Variants in LINGO1 observed in about 807,000 individuals in gnomAD.
LINGO1 encodes leucine-rich repeat and immunoglobulin-like domain-containing nogo receptor-interacting protein 1.
A neutral mutation model predicts 37.3 loss-of-function variants in LINGO1; 11 were observed. The observed-to-expected ratio is 0.29, with a 90% CI of 0.19 to 0.49. LINGO1 has a LOEUF of 0.49. Ranked by LOEUF, LINGO1 falls within the 20% of genes least tolerant of loss-of-function variation. The pLI is 0.99. For missense variants in LINGO1, 585 were observed against 878.2 expected (o/e 0.67, Z 4.22); for synonymous variants, 387 against 403.0 (o/e 0.96, Z 0.48).
At chr15:77,687,438 C>T (rs1278069145) in intron 2 of LINGO1, among the ~76,000 whole-genome samples, 1 of 152,152 alleles carries the variant, frequency 6.6e-6, no homozygotes, top group Non-Finnish European at 1.5e-5. Context: ...CATAACCTGT[C>T]CCCCAGGGGC....
upstream of LINGO1, among the ~76,000 whole-genome samples, chr15:77,790,797 A>G (rs570920154): frequency 6.6e-6 from 1 of 152,180 alleles, no homozygotes; most frequent in Admixed American, 6.5e-5. Flanking sequence ...AGGGAGGCGG[A>G]TTCAGCTCAG....
chr15:77,645,674 C>T (rs2074609882), intron 3 of LINGO1, among the ~76,000 whole-genome samples: 2 of 152,256 alleles, frequency 1.3e-5, no homozygotes, highest in Admixed American at 1.3e-4. Flanking sequence ...CCTGCCCGCA[C>T]TCTGCATCCC....
At chr15:77,806,994 C>T (rs1240461775) in intron 1 of LINGO1, among the ~76,000 whole-genome samples, 1 of 152,200 alleles carries the variant, frequency 6.6e-6, no homozygotes, top group Admixed American at 6.5e-5. Flanking sequence ...CAAAGCTCTC[C>T]CTAGTAGCTC....
intron 1 of LINGO1, among the ~76,000 whole-genome samples, chr15:77,754,693 C>G (rs929275034): frequency 6.6e-6 from 1 of 152,216 alleles, no homozygotes; most frequent in Non-Finnish European, 1.5e-5. Context: ...AGTGGCCCCT[C>G]CAGCCCTAGG....
At chr15:77,691,221 T>C (rs2075597608) in intron 1 of LINGO1, among the ~76,000 whole-genome samples, 1 of 152,236 alleles carries the variant, frequency 6.6e-6, no homozygotes, top group Non-Finnish European at 1.5e-5. Flanking sequence ...AACCAGTGGC[T>C]ACCACACTGG....
At chr15:77,812,576 G>C (rs943751431) in intron 1 of LINGO1, among the ~76,000 whole-genome samples, 5 of 152,202 alleles carry the variant, frequency 3.3e-5, no homozygotes, top group Admixed American at 2.0e-4. Context: ...TCACAGACAG[G>C]GGGGCTTGCG....
intron 1 of LINGO1, among the ~76,000 whole-genome samples, chr15:77,739,873 T>TC (rs1596175401): frequency 1.3e-5 from 2 of 152,174 alleles, no homozygotes; most frequent in Admixed American, 6.5e-5. Flanking sequence ...GGTCTGTGCC[T>TC]CCCCCCAATG....
At chr15:77,704,697 C>T (rs745452041) in intron 2 of LINGO1, among the ~76,000 whole-genome samples, 8 of 152,126 alleles carry the variant, frequency 5.3e-5, no homozygotes, top group Non-Finnish European at 8.8e-5. Flanking sequence ...AGACTGGGCT[C>T]GGACCCTGGT....
intron 1 of LINGO1, among the ~76,000 whole-genome samples, chr15:77,814,438 C>A (rs2077032320): frequency 6.6e-6 from 1 of 152,174 alleles, no homozygotes; most frequent in African/African-American, 2.4e-5. Flanking sequence ...AATTATAAAG[C>A]AGATTTTGCC....
chr15:77,776,487 A>T (rs2076646189), intron 1 of LINGO1, among the ~76,000 whole-genome samples: 1 of 129,026 alleles, frequency 7.8e-6, no homozygotes, highest in Non-Finnish European at 1.6e-5. Context: ...GAAGGCAGGA[A>T]AGCAGGAAGG....
intron 1 of LINGO1, among the ~76,000 whole-genome samples, chr15:77,616,104 TC>T (rs781315857): frequency 7.2e-5 from 11 of 152,010 alleles, no homozygotes; most frequent in Non-Finnish European, 1.0e-4. Context: ...CCTGGAGTCT[TC>T]CCAAAGGACC....
upstream of LINGO1, chr15:77,634,254 C>A: frequency 2.2e-6 from 1 of 456,108 alleles, no homozygotes; most frequent in Non-Finnish European, 4.4e-6. Context: ...GCCTCACACA[C>A]AGCCCAAAGG....
At chr15:77,708,633 G>A (rs1002267731) in intron 2 of LINGO1, among the ~76,000 whole-genome samples, 1 of 152,180 alleles carries the variant, frequency 6.6e-6, no homozygotes, top group African/African-American at 2.4e-5. Flanking sequence ...GGCCGGGCGC[G>A]GTGGCTCATG....
chr15:77,709,359 A>C (rs1596140442), intron 2 of LINGO1, among the ~76,000 whole-genome samples: 1 of 151,948 alleles, frequency 6.6e-6, no homozygotes, highest in Admixed American at 6.6e-5. Context: ...CTTCCATTTG[A>C]CCTCACTGTA....
intron 1 of LINGO1, among the ~76,000 whole-genome samples, chr15:77,806,828 C>A (rs1481469609): frequency 6.6e-6 from 1 of 152,096 alleles, no homozygotes; most frequent in African/African-American, 2.4e-5. Flanking sequence ...CATCTCCCCC[C>A]AGGCCGTGGT....
At chr15:77,627,416 C>G (rs921011148) in intron 1 of LINGO1, among the ~76,000 whole-genome samples, 4 of 152,102 alleles carry the variant, frequency 2.6e-5, no homozygotes, top group Admixed American at 6.5e-5. Context: ...CCTCGCGGGT[C>G]GGGGCCCTGC....
chr15:77,722,663 T>C (rs1006082114), intron 2 of LINGO1, among the ~76,000 whole-genome samples: 1 of 152,234 alleles, frequency 6.6e-6, no homozygotes. Context: ...GTTCTGTCTT[T>C]TAAAGGGTCC....
At chr15:77,734,731 C>T (rs936823225) in intron 2 of LINGO1, among the ~76,000 whole-genome samples, 1 of 151,978 alleles carries the variant, frequency 6.6e-6, no homozygotes, top group Non-Finnish European at 1.5e-5. Context: ...CTCCAAGGGC[C>T]CCCAGCGCCT....
intron 3 of LINGO1, chr15:77,646,235 A>G (rs1351924502): frequency 7.1e-6 from 2 of 280,102 alleles, no homozygotes; most frequent in East Asian, 1.1e-4. Flanking sequence ...CTGCACATCA[A>G]GGAAATGTGT....
Sources: gnomAD v4.1 joint callset for allele counts (sites outside exome capture counted in the v4.1 genomes callset) on GRCh38, gnomAD v4.1.1 for gene constraint, MANE v1.5 for transcripts, NCBI Gene and HGNC (gene_info 2026-07-23, HGNC 2026-07-21) for gene names.